Variants in SHC3 observed in about 807,000 individuals in gnomAD.
The protein encoded by SHC3 is SHC adaptor protein 3.
Under a neutral mutation model 60.4 loss-of-function variants are expected in SHC3, and 15 were observed. The observed-to-expected ratio is 0.25, with a 90% confidence interval of 0.17 to 0.38. The LOEUF (loss-of-function observed/expected upper bound fraction) is 0.38. Ranked by LOEUF, SHC3 falls within the 10% of genes least tolerant of loss-of-function variation. SHC3 has a pLI of 1.00. For missense variants in SHC3, 677 were observed against 786.1 expected, an observed-to-expected ratio of 0.86 and a Z score of 1.66; for synonymous variants, 294 against 325.9, an observed-to-expected ratio of 0.90 and a Z score of 1.05.
intron 1 of SHC3, among the ~76,000 whole-genome samples, chr9:89,128,204 TA>T (rs1826191937): frequency 6.6e-6 from 1 of 152,172 alleles, no homozygotes; most frequent in Non-Finnish European, 1.5e-5. Flanking sequence ...AAGTCAGTTT[TA>T]AAGATTATTA....
chr9:89,030,521 C>G (rs901853137), intron 11 of SHC3, among the ~76,000 whole-genome samples: 1 of 151,968 alleles, frequency 6.6e-6, no homozygotes, highest in Admixed American at 6.6e-5. Flanking sequence ...CTGAATAGAC[C>G]TATAACAAGT....
chr9:89,065,686 A>G, intron 5 of SHC3, 106 bp from the exon 6 acceptor site: 1 of 1,016,164 alleles, frequency 9.8e-7, no homozygotes, highest in Admixed American at 1.9e-5. Context: ...TCAACCACCA[A>G]ACAGCTAAAG....
chr9:89,089,477 C>T (rs1457039074), intron 2 of SHC3, among the ~76,000 whole-genome samples: 1 of 152,086 alleles, frequency 6.6e-6, no homozygotes, highest in African/African-American at 2.4e-5. Flanking sequence ...CAGCTCCAGA[C>T]CTTAAAGCTC....
chr9:89,159,059 T>C (rs2118236244), intron 1 of SHC3, among the ~76,000 whole-genome samples: 1 of 151,774 alleles, frequency 6.6e-6, no homozygotes, highest in East Asian at 1.9e-4. Context: ...TTAGGCCTTT[T>C]GAGAAAAGAA....
Position 89,178,134 on chromosome 9 carries a change from G to A in SHC3, c.327C>T (p.Asp109=), listed in dbSNP as rs1414044068. The A allele has an allele frequency of 1.1e-5, 13 of 1,182,924 alleles. No individual in the cohort carries two copies. The highest frequency in any genetic ancestry group is 1.4e-5 in the Non-Finnish European group (13 of 957,310). The allele number at this position is 1,182,924 out of a possible 1,614,324, so 73.3% of individuals were successfully genotyped here. A position where few individuals can be genotyped will look rare whatever the true frequency, so the allele number is the denominator to read the frequency against. ...CGCGGGGCGCCGAGGGCGCACTGCC[G>A]TCCGGGGCGGCCAGGCTGGGCGCGC... ...SCSAPSLAAP[D]GSAPSAPRAP... The change falls in exon 1 of 12, where the codon GAC becomes GAT. Residue 109 remains aspartate, a synonymous_variant. Transcript: ENST00000375835. The surrounding 1 kb of genome is among the most constrained non-coding windows in gnomAD (Gnocchi z 6.9).
rs749128827 is a variant in SHC3, at chr9:89,178,315, G to T, written c.146C>A (p.Ser49Tyr). 1 of 1,591,952 alleles carries T rather than the reference G, an allele frequency of 6.3e-7. No individual in the cohort carries two copies. Among genetic ancestry groups the T allele is most frequent in the African/African-American group, 1.4e-5 (1 of 72,566 alleles). Residue 49 changes from serine (S) to tyrosine (Y), a missense_variant, in exon 1 of 12, where the codon TCC becomes TAC. Coordinates refer to ENST00000375835, the MANE Select transcript of SHC3 (RefSeq NM_016848.6). This position sits in a 1 kb window ranked among gnomAD's most constrained non-coding sequence, Gnocchi z 6.9. ...GGGCGCCTTGCGCAGCGCCTCGCCG[G>T]ACACCAAGTAGGGAGCCGCCGCCGG... ...ATPAAAPYLV[S>Y]GEALRKAPDD...
chr9:89,143,449 TGG>T (rs1826423915), intron 1 of SHC3, among the ~76,000 whole-genome samples: 1 of 152,128 alleles, frequency 6.6e-6, no homozygotes, highest in Non-Finnish European at 1.5e-5. Flanking sequence ...CCTAACCATC[TGG>T]GAATCCAGCC....
chr9:89,162,561 T>A (rs1826724467), intron 1 of SHC3, among the ~76,000 whole-genome samples: 1 of 152,150 alleles, frequency 6.6e-6, no homozygotes, highest in Admixed American at 6.5e-5. Flanking sequence ...TGAAACTGGA[T>A]CCCTTCCTTA....
At chr9:89,131,220 T>A (rs928531875) in intron 1 of SHC3, among the ~76,000 whole-genome samples, 1 of 152,050 alleles carries the variant, frequency 6.6e-6, no homozygotes, top group Admixed American at 6.5e-5. Context: ...AGAAGTTGAA[T>A]CCCTGAATAG....
At chr9:89,113,136 C>A (rs917315904) in intron 1 of SHC3, among the ~76,000 whole-genome samples, 1 of 152,118 alleles carries the variant, frequency 6.6e-6, no homozygotes, top group Non-Finnish European at 1.5e-5. Context: ...GTTCTATGAA[C>A]TATAGATTAC....
chr9:89,043,411 G>T (rs1473332116), intron 9 of SHC3, among the ~76,000 whole-genome samples: 1 of 152,168 alleles, frequency 6.6e-6, no homozygotes, highest in Non-Finnish European at 1.5e-5. Context: ...TGTGTACATT[G>T]CAAACGAATC....
At chr9:89,100,519 C>T (rs1224269915) in intron 2 of SHC3, among the ~76,000 whole-genome samples, 1 of 152,050 alleles carries the variant, frequency 6.6e-6, no homozygotes, top group Non-Finnish European at 1.5e-5. Context: ...CTACCATGCC[C>T]ATCCTTAGTT....
chr9:89,105,202 C>A (rs1825840546), intron 2 of SHC3, among the ~76,000 whole-genome samples: 1 of 152,172 alleles, frequency 6.6e-6, no homozygotes, highest in South Asian at 2.1e-4. Flanking sequence ...GTTTGCCAGT[C>A]CTCCTGCCTT....
At chr9:89,144,860 G>A (rs1826445508) in intron 1 of SHC3, among the ~76,000 whole-genome samples, 8 of 151,836 alleles carry the variant, frequency 5.3e-5, no homozygotes, top group Admixed American at 3.9e-4. Context: ...TGAACAGGAC[G>A]CCAGGATGTG....
In SHC3 at chr9:89,009,578, T is replaced by A. The variant is rs555424064; in HGVS notation, c.*3869A>T. The A allele has an allele frequency of 1.3e-5, 2 of 152,348 alleles. No individual in the cohort carries two copies. Among genetic ancestry groups the A allele is most frequent in the East Asian group, 3.9e-4 (2 of 5,178 alleles). The allele number at this position is 152,348 out of a possible 1,614,324, so 9.4% of individuals were successfully genotyped here. ...AGCACGCCCTCAAGCTGGGAACATG[T>A]ATAGCCCTGCAGTGTAGAGCACGCC... On this transcript the variant is annotated 3_prime_UTR_variant, in exon 12 of 12. Transcript: ENST00000375835.
Position 89,075,098 on chromosome 9 carries a change from C to G in SHC3, c.729+11G>C. The G allele has an allele frequency of 6.2e-7, 1 of 1,612,296 alleles. No homozygotes were observed. The highest frequency in any genetic ancestry group is 1.7e-4 in the Middle Eastern group (1 of 6,038). ...TGTGGGCAGGGACAGGGGATCTGAG[C>G]ACCCATGTACCTGTTTGGAGTCCGG... On this transcript the variant is annotated intron_variant, in intron 4 of 11. Coordinates refer to ENST00000375835, the MANE Select transcript of SHC3 (RefSeq NM_016848.6).
At chr9:89,043,162 G>A (rs1049370482) in intron 9 of SHC3, among the ~76,000 whole-genome samples, 2 of 152,128 alleles carry the variant, frequency 1.3e-5, no homozygotes, top group Non-Finnish European at 2.9e-5. Flanking sequence ...GTTGGTTCAG[G>A]GCTTTTTAAA....
intron 6 of SHC3, among the ~76,000 whole-genome samples, chr9:89,059,646 TGGAGGATGGTGGTGGAGGA>T (rs1825037175): frequency 1.7e-5 from 2 of 118,716 alleles, no homozygotes; most frequent in Non-Finnish European, 1.7e-5. Context: ...GAGGACGTGA[TGGAGGATGGTGGTGGAGGA>T]CGTGGTGGAG....
Position 89,178,203 on chromosome 9 carries a change from C to A in SHC3, c.258G>T (p.Ser86=). ...GCGCGCCCGCCCGCTCCCGGGCGGCCGACGACAGGCCGCGGAGGCCCGAGC... is the reference window on the plus strand; with the variant it reads ...GCGCGCCCGCCCGCTCCCGGGCGGCAGACGACAGGCCGCGGAGGCCCGAGC... The part of the protein sequence containing the change: ...LSSSGLRGLS[S]AARERAGARL... Residue 86 remains serine (S), a synonymous_variant, in exon 1 of 12, where the codon TCG becomes TCT. Coordinates refer to ENST00000375835, the MANE Select transcript of SHC3 (RefSeq NM_016848.6). The surrounding 1 kb of genome is among the most constrained non-coding windows in gnomAD (Gnocchi z 6.9). The A allele has an allele frequency of 4.2e-6, 6 of 1,415,492 alleles. No homozygotes were observed. The highest frequency in any genetic ancestry group is 5.5e-6 in the Non-Finnish European group (6 of 1,083,256). 87.7% of individuals were successfully genotyped at this position (1,415,492 alleles called of 1,614,324 possible).
Sources: allele counts gnomAD v4.1 joint callset (sites outside exome capture counted in the v4.1 genomes callset), GRCh38; gene constraint gnomAD v4.1.1; non-coding constraint Gnocchi (gnomAD v3.1); transcripts MANE v1.5; gene names NCBI Gene and HGNC (gene_info 2026-07-23, HGNC 2026-07-21).